The following AR variants were observed in gnomAD, a reference collection of about 807,000 sequenced individuals.
AR encodes the protein androgen receptor.
In AR, 8 loss-of-function variants were observed where a neutral mutation model predicts 53.9. That is an observed-to-expected ratio of 0.15 (90% CI 0.09 to 0.27). AR has a LOEUF of 0.27. Ranked by LOEUF, AR falls within the 10% of genes least tolerant of loss-of-function variation. AR has a pLI of 1.00. For synonymous variants in AR, 359 were observed against 316.4 expected, an observed-to-expected ratio of 1.13 and a Z score of -1.43; for missense variants, 639 against 742.5, an observed-to-expected ratio of 0.86 and a Z score of 1.62.
rs2147536080 is a variant in AR, at chrX:67,721,954, T to C, written c.2440T>C (p.Phe814Leu). ...EFLCMKALLL[F>L]SIIPVDGLKN... is the part of the protein sequence containing the mutation. The stretch of plus-strand genomic sequence containing the variant: ...CCTGTGCATGAAAGCACTGCTACTC[T>C]TCAGCATTAGTAAGTGCCTAGAAGT... Residue 814 changes from phenylalanine to leucine, a missense_variant, in exon 6 of 8, where the codon TTC becomes CTC. Phe to Leu is a conservative substitution (Grantham distance 22). Coordinates refer to ENST00000374690, the MANE Select transcript of AR (RefSeq NM_000044.6). 8.3e-7 allele frequency: 1 copy of C among 1,211,316 alleles called. No individual in the cohort carries two copies. The highest frequency in any genetic ancestry group is 1.1e-6 in the Non-Finnish European group (1 of 895,345).
At chrX:67,571,920 A>G (rs1278932652) in intron 1 of AR, among the ~76,000 whole-genome samples, 2 of 110,965 alleles carry the variant, frequency 1.8e-5, no homozygotes, top group Non-Finnish European at 3.8e-5. Context: ...ATTTAAATGC[A>G]GAGAAGTCTA....
intron 1 of AR, among the ~76,000 whole-genome samples, chrX:67,626,919 T>C (rs1924694343): frequency 9.7e-6 from 1 of 103,414 alleles, no homozygotes; most frequent in African/African-American, 3.6e-5. Context: ...CTGAGAATGA[T>C]GATTTCCAAT....
intron 7 of AR, among the ~76,000 whole-genome samples, chrX:67,723,356 G>GTGTGTC (rs1262377157): frequency 1.1e-3 from 101 of 95,434 alleles, no homozygotes; most frequent in African/African-American, 3.8e-3. Context: ...GTGTGTGTCA[G>GTGTGTC]AGAGAGAGAG....
intron 1 of AR, among the ~76,000 whole-genome samples, chrX:67,585,952 C>T (rs983899646): frequency 1.8e-5 from 2 of 111,955 alleles, no homozygotes; most frequent in Admixed American, 1.9e-4. Context: ...CAGACCTTTT[C>T]CTTTATCTCC....
At chrX:67,624,151 A>G (rs996444174) in intron 1 of AR, among the ~76,000 whole-genome samples, 57 of 111,454 alleles carry the variant, frequency 5.1e-4, no homozygotes, top group African/African-American at 1.7e-3. Flanking sequence ...TCATGATCCA[A>G]TTACTTCCTA....
Position 67,686,011 on chromosome X carries a change from G to A in AR, c.1770G>A (p.Gly590=), listed in dbSNP as rs774286110. The change falls in exon 3 of 8, where the codon GGG becomes GGA. Residue 590 remains glycine, a splice_region_variant and synonymous_variant. Coordinates refer to ENST00000374690, the MANE Select transcript of AR (RefSeq NM_000044.6). Reference sequence around the variant, plus strand: ...CAACTCTTGTATTTGTTCTCCCAGGGAAACAGAAGTACCTGTGCGCCAGCA... The same window carrying A: ...CAACTCTTGTATTTGTTCTCCCAGGAAAACAGAAGTACCTGTGCGCCAGCA... ...CKVFFKRAAE[G]KQKYLCASRN... 1 of 1,209,738 alleles carries A rather than the reference G, an allele frequency of 8.3e-7. No individual in the cohort carries two copies. The highest frequency in any genetic ancestry group is 1.1e-6 in the Non-Finnish European group (1 of 893,742).
At chrX:67,616,378 G>A (rs774990325) in intron 1 of AR, among the ~76,000 whole-genome samples, 4 of 109,441 alleles carry the variant, frequency 3.7e-5, no homozygotes, top group Non-Finnish European at 7.6e-5. Flanking sequence ...GCCCTGGTGT[G>A]TGATGTTCCC....
At chrX:67,624,452 G>T (rs1229952298) in intron 1 of AR, among the ~76,000 whole-genome samples, 1 of 111,583 alleles carries the variant, frequency 9.0e-6, no homozygotes, top group Non-Finnish European at 1.9e-5. Context: ...AATATTTAAG[G>T]AAGATTTAAT....
rs779947934 is a variant in AR, at chrX:67,688,335, C to A, written c.1885+2209C>A. Reference sequence around the variant, plus strand: ...ATTTACTGTGTGCCCCTCTGAGCCTCAATTTCCTCATCTCTGATTTAGAAA... The same window carrying A: ...ATTTACTGTGTGCCCCTCTGAGCCTAAATTTCCTCATCTCTGATTTAGAAA... On this transcript the variant is annotated intron_variant, in intron 3 of 7. Transcript: ENST00000374690. Among the ~76,000 whole-genome samples, 7 of 111,668 alleles carry A rather than the reference C, an allele frequency of 6.3e-5. No individual in the cohort carries two copies. In the East Asian group the frequency reaches 2.0e-3, roughly 32 times the overall value.
chrX:67,695,641 G>A (rs2076016200), intron 3 of AR: 1 of 753,358 alleles, frequency 1.3e-6, no homozygotes, highest in African/African-American at 2.3e-5. Flanking sequence ...GTGGAGAAGT[G>A]GAGTCTGTGA....
At chrX:67,655,572 G>A (rs1926548407) in intron 2 of AR, among the ~76,000 whole-genome samples, 1 of 111,335 alleles carries the variant, frequency 9.0e-6, no homozygotes, top group African/African-American at 3.3e-5. Context: ...TACCTAGTGA[G>A]CACTACTGAG....
intron 1 of AR, among the ~76,000 whole-genome samples, chrX:67,623,705 C>A (rs1220155100): frequency 1.8e-5 from 2 of 110,361 alleles, no homozygotes; most frequent in Admixed American, 9.6e-5. Flanking sequence ...AACATTGATT[C>A]TTTGAAGAGA....
intron 3 of AR, among the ~76,000 whole-genome samples, chrX:67,705,542 T>G (rs2076062792): frequency 8.9e-6 from 1 of 111,766 alleles, no homozygotes; most frequent in South Asian, 3.8e-4. Context: ...AAGGAGATTT[T>G]GGGCTGAGAC....
chrX:67,628,446 A>G (rs200039857), intron 1 of AR, among the ~76,000 whole-genome samples: 21 of 106,558 alleles, frequency 2.0e-4, no homozygotes, highest in South Asian at 4.5e-4. Context: ...TTTGTCTGTT[A>G]TTGGTGTATA....
At chrX:67,686,238 C>A (rs1044352238) in intron 3 of AR, 112 bp downstream of exon 3, 1 of 858,594 alleles carries the variant, frequency 1.2e-6, no homozygotes, top group African/African-American at 2.0e-5. Context: ...GGGGACCAGC[C>A]ATGCTCTAGA....
intron 2 of AR, among the ~76,000 whole-genome samples, chrX:67,677,693 A>C (rs1037024044): frequency 3.6e-5 from 4 of 111,324 alleles, no homozygotes; most frequent in Non-Finnish European, 1.9e-5. Context: ...AAATACTGAG[A>C]ATATAGTGGG....
At chrX:67,568,760 C>G in intron 1 of AR, 1 of 951,900 alleles carries the variant, frequency 1.1e-6, no homozygotes, top group Non-Finnish European at 1.4e-6. Context: ...TCTGCGCCGT[C>G]CCTCCTCTTC....
At chrX:67,709,937 T>C (rs193208919) in intron 3 of AR, among the ~76,000 whole-genome samples, 55 of 112,101 alleles carry the variant, frequency 4.9e-4, no homozygotes, top group African/African-American at 1.7e-3. Flanking sequence ...CATTCCCATA[T>C]GATGCTTGAA....
chrX:67,602,057 A>G (rs1013916735), intron 1 of AR, among the ~76,000 whole-genome samples: 2 of 112,218 alleles, frequency 1.8e-5, no homozygotes, highest in Admixed American at 9.5e-5. Flanking sequence ...AAATATGACA[A>G]TTAATTAAGT....
Sources: allele counts gnomAD v4.1 joint callset (sites outside exome capture counted in the v4.1 genomes callset), GRCh38; gene constraint gnomAD v4.1.1; transcripts MANE v1.5; gene names NCBI Gene and HGNC (gene_info 2026-07-23, HGNC 2026-07-21).